NPAS3: variants seen among roughly 807,000 people sequenced by gnomAD.
The protein encoded by NPAS3 is neuronal PAS domain-containing protein 3.
NPAS3 carries 14 observed loss-of-function variants against 73.1 expected under a neutral mutation model. That is an observed-to-expected ratio of 0.19 (90% CI 0.13 to 0.30). The LOEUF (loss-of-function observed/expected upper bound fraction) is 0.30, where lower values mean the gene tolerates loss of function less well. Among genes scored for constraint, NPAS3 ranks in the 10% least tolerant of loss-of-function variants. NPAS3 has a pLI of 1.00. For missense variants in NPAS3, 1,096 were observed against 1,250.0 expected, an observed-to-expected ratio of 0.88 and a Z score of 1.86; for synonymous variants, 620 against 541.5, an observed-to-expected ratio of 1.14 and a Z score of -2.01.
intron 1 of NPAS3, among the ~76,000 whole-genome samples, chr14:32,956,192 C>T (rs1462111744): frequency 6.6e-6 from 1 of 151,976 alleles, no homozygotes; most frequent in Non-Finnish European, 1.5e-5. Context: ...ATTTGAATTG[C>T]ATTAATTCTG....
chr14:33,494,178 G>T lies in NPAS3; in HGVS notation c.469-65943G>T, dbSNP rs138712403. ...TCCAGCGTGCCCTGGAGCCCAGCTC[G>T]GTGCCAGGGCTCAGAAGAGACCTCA... On this transcript the variant is annotated intron_variant, in intron 4 of 11. Transcript: ENST00000356141. Among the ~76,000 whole-genome samples, 46 of 152,160 alleles carry T rather than the reference G, an allele frequency of 3.0e-4. 1 individual carries two copies. The highest frequency in any genetic ancestry group is 1.9e-4 in the Non-Finnish European group (13 of 67,980).
At chr14:33,284,334 T>A (rs2041770085) in intron 3 of NPAS3, among the ~76,000 whole-genome samples, 1 of 152,144 alleles carries the variant, frequency 6.6e-6, no homozygotes, top group Non-Finnish European at 1.5e-5. Context: ...CTCTATTTTT[T>A]TTTTTAAAGA....
At chr14:33,366,696 G>A (rs1263661993) in intron 3 of NPAS3, among the ~76,000 whole-genome samples, 1 of 152,142 alleles carries the variant, frequency 6.6e-6, no homozygotes, top group African/African-American at 2.4e-5. Flanking sequence ...ATGTTGTGCT[G>A]ATTAAATTGT....
intron 4 of NPAS3, among the ~76,000 whole-genome samples, chr14:33,419,659 A>C (rs2048295936): frequency 6.6e-6 from 1 of 151,966 alleles, no homozygotes; most frequent in Admixed American, 6.6e-5. Context: ...GATAAAGATA[A>C]ATTTATTTTT....
intron 11 of NPAS3, 22 bp from the exon 12 acceptor site, chr14:33,799,712 G>A (rs1202913649): frequency 1.1e-5 from 17 of 1,546,038 alleles, no homozygotes; most frequent in Non-Finnish European, 1.4e-5. Flanking sequence ...CCCCGCCACC[G>A]CCGGCCCCCC....
At chr14:33,329,236 C>G (rs1259192162) in intron 3 of NPAS3, among the ~76,000 whole-genome samples, 1 of 152,172 alleles carries the variant, frequency 6.6e-6, no homozygotes, top group Non-Finnish European at 1.5e-5. Flanking sequence ...CCCACCCCAC[C>G]TGCCTCTCCC....
chr14:33,661,574 T>A (rs1412756478), intron 5 of NPAS3, among the ~76,000 whole-genome samples: 1 of 152,232 alleles, frequency 6.6e-6, no homozygotes, highest in Non-Finnish European at 1.5e-5. Flanking sequence ...CTACCACAAT[T>A]GTCTACATTT....
chr14:33,549,950 A>C (rs1284593058), intron 4 of NPAS3, among the ~76,000 whole-genome samples: 3 of 152,192 alleles, frequency 2.0e-5, no homozygotes, highest in Non-Finnish European at 4.4e-5. Context: ...AGAGGAAGAA[A>C]ATTCCAGTTT....
At chr14:33,638,838 C>CAGAT (rs1414390503) in intron 5 of NPAS3, among the ~76,000 whole-genome samples, 2 of 152,196 alleles carry the variant, frequency 1.3e-5, no homozygotes, top group East Asian at 3.8e-4. Context: ...GCCATGAACA[C>CAGAT]AGATATATTT....
intron 7 of NPAS3, among the ~76,000 whole-genome samples, chr14:33,756,125 G>C (rs749807223): frequency 1.3e-5 from 2 of 152,162 alleles, no homozygotes; most frequent in Admixed American, 6.5e-5. Context: ...CTTTGAGTTT[G>C]ATTTCTTTTA....
chr14:33,357,573 C>A (rs564062930), intron 3 of NPAS3, among the ~76,000 whole-genome samples: 1 of 152,176 alleles, frequency 6.6e-6, no homozygotes, highest in African/African-American at 2.4e-5. Context: ...ATCTTTGGAC[C>A]GGCCTCTGCT....
chr14:33,075,643 C>T (rs970515904), intron 2 of NPAS3, among the ~76,000 whole-genome samples: 1 of 152,176 alleles, frequency 6.6e-6, no homozygotes, highest in African/African-American at 2.4e-5. Flanking sequence ...AGAAAACTGC[C>T]TCCTGTATGC....
intron 3 of NPAS3, among the ~76,000 whole-genome samples, chr14:33,266,276 A>G (rs2040812750): frequency 6.6e-6 from 1 of 152,090 alleles, no homozygotes; most frequent in African/African-American, 2.4e-5. Flanking sequence ...TAATTTGTGG[A>G]CCTCCCACCT....
At chr14:32,984,865 C>G (rs919805406) in intron 1 of NPAS3, among the ~76,000 whole-genome samples, 2 of 152,154 alleles carry the variant, frequency 1.3e-5, no homozygotes, top group East Asian at 1.9e-4. Flanking sequence ...GGAATGGCCA[C>G]CAAGTCTACA....
intron 3 of NPAS3, among the ~76,000 whole-genome samples, chr14:33,328,334 GCTTAT>G (rs918823645): frequency 1.3e-5 from 2 of 148,368 alleles, no homozygotes; most frequent in African/African-American, 5.0e-5. Context: ...TTGAGGTTAG[GCTTAT>G]CTTCGTATTC....
chr14:33,321,653 C>T lies in NPAS3; in HGVS notation c.386-45533C>T, dbSNP rs190522878. Among the ~76,000 whole-genome samples, 326 of 152,086 alleles carry T rather than the reference C, an allele frequency of 2.1e-3. 1 individual carries two copies. Among genetic ancestry groups the T allele is most frequent in the African/African-American group, 7.5e-3 (310 of 41,506 alleles). Reference sequence around the variant, plus strand: ...GTAGGTCTTAGCCTCAGTTCCTCAACTGTAAAATGGAGTTAAAGATCATCC... The same window carrying T: ...GTAGGTCTTAGCCTCAGTTCCTCAATTGTAAAATGGAGTTAAAGATCATCC... On this transcript the variant is annotated intron_variant, in intron 3 of 11. Coordinates refer to ENST00000356141, the Ensembl canonical transcript of NPAS3.
rs191200879 is a variant in NPAS3 at position 33,587,393 on chromosome 14, A to C, written c.558+27183A>C. Among the ~76,000 whole-genome samples, 72 of 152,318 alleles carry C rather than the reference A, an allele frequency of 4.7e-4. 1 individual carries two copies. In the South Asian group the frequency reaches 9.7e-3, roughly 21 times the overall value. ...TTAAGATGTGATCATAGATGCTGGAACCAACTGTCTAGTGCAAGCCCTAGT... is the reference window on the plus strand; with the variant it reads ...TTAAGATGTGATCATAGATGCTGGACCCAACTGTCTAGTGCAAGCCCTAGT... On this transcript the variant is annotated intron_variant, in intron 5 of 11. Coordinates refer to ENST00000356141, the Ensembl canonical transcript of NPAS3.
intron 5 of NPAS3, among the ~76,000 whole-genome samples, chr14:33,639,793 A>G (rs189369161): frequency 4.6e-5 from 7 of 152,372 alleles, no homozygotes; most frequent in African/African-American, 1.4e-4. Flanking sequence ...AGAGAAAAGT[A>G]AAAGTGTTAT....
At chr14:33,769,617 C>T (rs1464556028) in intron 7 of NPAS3, among the ~76,000 whole-genome samples, 1 of 152,142 alleles carries the variant, frequency 6.6e-6, no homozygotes, top group Admixed American at 6.5e-5. Context: ...TTATTCCAAA[C>T]CTTTCTTATG....
Sources: gnomAD v4.1 joint callset for allele counts (sites outside exome capture counted in the v4.1 genomes callset) on GRCh38, gnomAD v4.1.1 for gene constraint, MANE v1.5 for transcripts, NCBI Gene and HGNC (gene_info 2026-07-23, HGNC 2026-07-21) for gene names.